TBC1D4: variants seen among roughly 807,000 people sequenced by gnomAD.
TBC1D4 encodes TBC (Tre-2, BUB2, CDC16) domain-containing protein.
A neutral mutation model predicts 142.5 loss-of-function variants in TBC1D4; 121 were observed. That is an observed-to-expected ratio of 0.85 (90% confidence interval 0.73 to 0.99). The LOEUF (loss-of-function observed/expected upper bound fraction) is 0.99, where lower values mean the gene tolerates loss of function less well. TBC1D4 is among the 50% of genes least tolerant of loss of function. The probability of loss-of-function intolerance (pLI) is 0.00; values close to 1 mark genes in which losing one functional copy is unlikely to be tolerated. For missense variants in TBC1D4, 1,475 were observed against 1,606.6 expected (o/e 0.92, Z 1.40); for synonymous variants, 630 against 628.2 (o/e 1.00, Z -0.04).
intron 1 of TBC1D4, among the ~76,000 whole-genome samples, chr13:75,372,310 C>T (rs1046732276): frequency 5.9e-5 from 9 of 151,934 alleles, no homozygotes; most frequent in Non-Finnish European, 1.3e-4. Context: ...TCTCTGTCAC[C>T]CAGGCTCAAG....
At chr13:75,349,811 T>C (rs1881457840) in intron 4 of TBC1D4, among the ~76,000 whole-genome samples, 2 of 152,184 alleles carry the variant, frequency 1.3e-5, no homozygotes, top group Admixed American at 6.5e-5. Context: ...TAAACAATGG[T>C]GGGGAAAGTC....
chr13:75,454,346 A>G (rs1033119223), intron 1 of TBC1D4, among the ~76,000 whole-genome samples: 1 of 152,220 alleles, frequency 6.6e-6, no homozygotes, highest in Non-Finnish European at 1.5e-5. Context: ...GAAAGTAGAC[A>G]ATCTAACATT....
chr13:75,324,718 G>GA (rs1282450153), intron 10 of TBC1D4, among the ~76,000 whole-genome samples: 1 of 152,146 alleles, frequency 6.6e-6, no homozygotes, highest in African/African-American at 2.4e-5. Flanking sequence ...CACTTCAAGG[G>GA]AAAAAAGCAG....
At position 75,312,863 on chromosome 13, in the gene TBC1D4, C is replaced by T. The variant is rs764057883; in HGVS notation, c.2258G>A (p.Cys753Tyr). 2.5e-5 allele frequency: 41 copies of T among 1,614,070 alleles called. No homozygotes were observed. The highest frequency in any genetic ancestry group is 3.1e-5 in the Non-Finnish European group (37 of 1,180,038). ...GEGRKRTSST[C>Y]SNESLSVGGT... ...TCCCACACTTAGGGACTCATTGCTG[C>T]AGGTAGATGAGGTCCTTTTTCTCCC... The change falls in exon 13 of 21, where the codon TGC (cysteine) becomes TAC (tyrosine). Residue 753 changes from cysteine to tyrosine, a missense_variant. Cys to Tyr is a radical substitution (Grantham distance 194, BLOSUM62 -2). Transcript: ENST00000377636.
intron 1 of TBC1D4, among the ~76,000 whole-genome samples, chr13:75,415,956 G>A (rs1209330969): frequency 6.6e-6 from 1 of 152,110 alleles, no homozygotes. Context: ...TGAAATTCAA[G>A]GGTCACAGAA....
chr13:75,417,002 T>C (rs1267338307), intron 1 of TBC1D4, among the ~76,000 whole-genome samples: 1 of 152,204 alleles, frequency 6.6e-6, no homozygotes, highest in Non-Finnish European at 1.5e-5. Flanking sequence ...GCTCTGCTCA[T>C]AGGTGGACCC....
intron 9 of TBC1D4, among the ~76,000 whole-genome samples, chr13:75,326,649 T>G (rs1354714899): frequency 6.6e-6 from 1 of 152,170 alleles, no homozygotes; most frequent in African/African-American, 2.4e-5. Context: ...AACCCACTTA[T>G]CTTTGGATAA....
At chr13:75,292,660 T>C (rs1204248210) in intron 18 of TBC1D4, among the ~76,000 whole-genome samples, 1 of 151,640 alleles carries the variant, frequency 6.6e-6, no homozygotes, top group Admixed American at 6.6e-5. Context: ...ATTCAAACTC[T>C]CATTACCATA....
At chr13:75,447,354 C>T (rs1374897223) in intron 1 of TBC1D4, among the ~76,000 whole-genome samples, 1 of 152,058 alleles carries the variant, frequency 6.6e-6, no homozygotes, top group Non-Finnish European at 1.5e-5. Context: ...TACTTGTAAG[C>T]CCTAGGTGTA....
At chr13:75,407,522 G>A (rs1481090603) in intron 1 of TBC1D4, among the ~76,000 whole-genome samples, 2 of 152,148 alleles carry the variant, frequency 1.3e-5, no homozygotes, top group Non-Finnish European at 2.9e-5. Flanking sequence ...AATTAGGTGA[G>A]AAAGTATCCT....
In TBC1D4 at chr13:75,458,026, C is replaced by T. The variant is rs550541511; in HGVS notation, c.498+23244G>A. ...AATTAATGCCCTTTTAAGTAGTTGC[C>T]GTTCATGGATGGCTAAGTGTTAAAC... On this transcript the variant is annotated intron_variant, in intron 1 of 20. Coordinates refer to ENST00000377636, the MANE Select transcript of TBC1D4 (RefSeq NM_014832.5). Among the ~76,000 whole-genome samples, 15 of 152,226 alleles carry T rather than the reference C, an allele frequency of 9.9e-5. No homozygotes were observed. In the South Asian group the frequency reaches 2.3e-3, roughly 23 times the overall value.
At chr13:75,434,512 G>A (rs1886714782) in intron 1 of TBC1D4, among the ~76,000 whole-genome samples, 1 of 151,994 alleles carries the variant, frequency 6.6e-6, no homozygotes, top group African/African-American at 2.4e-5. Flanking sequence ...GCGGGAGGAG[G>A]GAGAGGGGCA....
chr13:75,432,143 G>A (rs959082343), intron 1 of TBC1D4, among the ~76,000 whole-genome samples: 1 of 152,096 alleles, frequency 6.6e-6, no homozygotes, highest in Admixed American at 6.6e-5. Flanking sequence ...AGGCAGTGTG[G>A]AGTTGGCTTT....
In TBC1D4 at chr13:75,361,958, C is replaced by A; in HGVS notation, c.1080+68G>T. 1.0e-5 allele frequency: 16 copies of A among 1,556,626 alleles called. No individual in the cohort carries two copies. The South Asian group carries it at 1.6e-4, about 15-fold the overall frequency. On this transcript the variant is annotated intron_variant, in intron 2 of 20. Transcript: ENST00000377636. ...TATATAGAGGTGGAGCTGGGAGGAA[C>A]TGGATGCCCAGCTACTTCCATCTGG...
chr13:75,343,047 C>T (rs1383370971), intron 5 of TBC1D4, among the ~76,000 whole-genome samples: 2 of 151,964 alleles, frequency 1.3e-5, no homozygotes, highest in Non-Finnish European at 2.9e-5. Context: ...TAATTTGTTC[C>T]GCTAAGTTGC....
chr13:75,293,917 T>C (rs1731390672), intron 18 of TBC1D4, among the ~76,000 whole-genome samples: 2 of 152,240 alleles, frequency 1.3e-5, no homozygotes, highest in South Asian at 4.1e-4. Context: ...TGACCTACAA[T>C]GGCGCCAATA....
Position 75,404,979 on chromosome 13 carries a change from G to A in TBC1D4, c.499-42372C>T, listed in dbSNP as rs149524526. 2.6e-3 allele frequency among the ~76,000 whole-genome samples: 399 copies of A among 152,260 alleles called. 1 individual carries two copies. The highest frequency in any genetic ancestry group is 4.3e-3 in the Non-Finnish European group (293 of 68,012). On this transcript the variant is annotated intron_variant, in intron 1 of 20. Transcript: ENST00000377636. ...AGCTGTTAAATGACTTTTAGGTACT[G>A]CACATCTATGTGGGCCAGGGGTTGA...
intron 1 of TBC1D4, among the ~76,000 whole-genome samples, chr13:75,463,883 A>G (rs571313820): frequency 3.0e-4 from 46 of 152,282 alleles, no homozygotes; most frequent in African/African-American, 9.9e-4. Flanking sequence ...CAGCAAATCT[A>G]AAGTTATCCT....
chr13:75,369,860 A>G (rs1365545888), intron 1 of TBC1D4, among the ~76,000 whole-genome samples: 1 of 152,224 alleles, frequency 6.6e-6, no homozygotes, highest in Non-Finnish European at 1.5e-5. Flanking sequence ...CTATGGCTAA[A>G]TCAAATTGCC....
Sources: allele counts gnomAD v4.1 joint callset (sites outside exome capture counted in the v4.1 genomes callset), GRCh38; gene constraint gnomAD v4.1.1; transcripts MANE v1.5; gene names NCBI Gene and HGNC (gene_info 2026-07-23, HGNC 2026-07-21).